The following MARCHF1 variants were observed in gnomAD, a reference collection of about 807,000 sequenced individuals.
MARCHF1 encodes the protein E3 ubiquitin-protein ligase MARCHF1.
A neutral mutation model predicts 54.2 loss-of-function variants in MARCHF1; 40 were observed. The observed-to-expected ratio is 0.74, with a 90% CI of 0.57 to 0.96. MARCHF1 has a LOEUF of 0.96. MARCHF1 is among the 40% of genes least tolerant of loss of function. MARCHF1 has a pLI of 0.00. For synonymous variants in MARCHF1, 236 were observed against 236.3 expected, an observed-to-expected ratio of 1.00 and a Z score of 0.01; for missense variants, 586 against 656.5, an observed-to-expected ratio of 0.89 and a Z score of 1.17.
At chr4:163,741,361 G>A (rs1448528276) in intron 4 of MARCHF1, among the ~76,000 whole-genome samples, 1 of 151,918 alleles carries the variant, frequency 6.6e-6, no homozygotes, top group Non-Finnish European at 1.5e-5. Flanking sequence ...GAGGTGGGTG[G>A]ATTACTTGAG....
At chr4:163,908,421 T>A (rs1469044901) in intron 3 of MARCHF1, among the ~76,000 whole-genome samples, 1 of 152,218 alleles carries the variant, frequency 6.6e-6, no homozygotes, top group African/African-American at 2.4e-5. Context: ...TACAAACTTA[T>A]AAGCTGGTTA....
chr4:164,368,899 T>A (rs3857012), intron 1 of MARCHF1, among the ~76,000 whole-genome samples: 78,267 of 152,052 alleles, frequency 0.51, 21,052 homozygotes, highest in East Asian at 0.65. Flanking sequence ...CTCTACAAGC[T>A]GGTGCTGTGA....
intron 2 of MARCHF1, among the ~76,000 whole-genome samples, chr4:164,076,460 T>C (rs1207226026): frequency 1.3e-5 from 2 of 152,178 alleles, no homozygotes; most frequent in African/African-American, 4.8e-5. Context: ...TTTGGAAGCA[T>C]TCCCTTTGAA....
At chr4:164,307,489 C>T (rs923453464) in intron 1 of MARCHF1, among the ~76,000 whole-genome samples, 2 of 152,216 alleles carry the variant, frequency 1.3e-5, no homozygotes, top group Admixed American at 6.5e-5. Context: ...ACCCAAAGCT[C>T]GTCTCTTCCC....
At chr4:164,282,013 G>A (rs980812538) in intron 1 of MARCHF1, among the ~76,000 whole-genome samples, 6 of 150,720 alleles carry the variant, frequency 4.0e-5, no homozygotes, top group South Asian at 2.1e-4. Context: ...TCCATTCATC[G>A]TTTCACTCTA....
intron 1 of MARCHF1, among the ~76,000 whole-genome samples, chr4:164,299,920 T>C (rs1734507232): frequency 6.6e-6 from 1 of 152,214 alleles, no homozygotes; most frequent in Non-Finnish European, 1.5e-5. Context: ...TTGTTCCATA[T>C]GAAATATTTC....
chr4:164,280,378 A>G (rs1176719497), intron 1 of MARCHF1, among the ~76,000 whole-genome samples: 1 of 152,088 alleles, frequency 6.6e-6, no homozygotes, highest in Non-Finnish European at 1.5e-5. Context: ...GGAATTGCAT[A>G]GAAAGAGAGA....
intron 1 of MARCHF1, among the ~76,000 whole-genome samples, chr4:164,295,256 C>T (rs369137500): frequency 6.6e-5 from 10 of 152,264 alleles, no homozygotes; most frequent in African/African-American, 1.7e-4. Flanking sequence ...ATGTTTTTCT[C>T]CTGGCACAGG....
chr4:164,141,404 G>C (rs994025543), intron 1 of MARCHF1, among the ~76,000 whole-genome samples: 1 of 152,130 alleles, frequency 6.6e-6, no homozygotes, highest in Non-Finnish European at 1.5e-5. Context: ...TACTTACAAA[G>C]AAGAGTCACA....
intron 5 of MARCHF1, among the ~76,000 whole-genome samples, chr4:163,692,608 T>G (rs1000049729): frequency 7.0e-6 from 1 of 143,216 alleles, no homozygotes; most frequent in Non-Finnish European, 1.5e-5. Context: ...AAAGAATTTA[T>G]GTTTTATTTC....
At chr4:164,241,820 A>C (rs11100540) in intron 1 of MARCHF1, among the ~76,000 whole-genome samples, 14 of 152,210 alleles carry the variant, frequency 9.2e-5, no homozygotes, top group African/African-American at 2.6e-4. Flanking sequence ...CTTGGGAAGC[A>C]CAAGAGGTCA....
intron 1 of MARCHF1, among the ~76,000 whole-genome samples, chr4:164,316,177 G>C (rs1376578253): frequency 6.6e-6 from 1 of 152,138 alleles, no homozygotes; most frequent in Non-Finnish European, 1.5e-5. Flanking sequence ...CAGCTCATTG[G>C]TAACAGAATC....
At chr4:164,047,925 T>G (rs13114716) in intron 2 of MARCHF1, among the ~76,000 whole-genome samples, 61,357 of 151,980 alleles carry the variant, frequency 0.4, 13,093 homozygotes, top group Middle Eastern at 0.6. Flanking sequence ...CCATGAGAAA[T>G]ATTATTTTAT....
chr4:164,069,071 T>C (rs1023166560), intron 2 of MARCHF1, among the ~76,000 whole-genome samples: 1 of 151,962 alleles, frequency 6.6e-6, no homozygotes, highest in Non-Finnish European at 1.5e-5. Context: ...GGTTTGTAAA[T>C]GCACCAATCA....
At chr4:163,852,027 C>G (rs1749655509) in intron 4 of MARCHF1, among the ~76,000 whole-genome samples, 1 of 152,182 alleles carries the variant, frequency 6.6e-6, no homozygotes, top group African/African-American at 2.4e-5. Context: ...CCCTGTAATA[C>G]AGCATTAGAT....
At chr4:164,263,339 C>T (rs527333410) in intron 1 of MARCHF1, among the ~76,000 whole-genome samples, 111 of 152,170 alleles carry the variant, frequency 7.3e-4, no homozygotes, top group Non-Finnish European at 1.4e-3. Flanking sequence ...AATATATATA[C>T]ATATATACAC....
intron 3 of MARCHF1, among the ~76,000 whole-genome samples, chr4:163,911,462 G>A (rs893368724): frequency 6.6e-6 from 1 of 152,154 alleles, no homozygotes; most frequent in Non-Finnish European, 1.5e-5. Flanking sequence ...TACAAGGCCT[G>A]AGGTGTCCAC....
intron 2 of MARCHF1, among the ~76,000 whole-genome samples, chr4:164,020,427 G>A (rs556316476): frequency 6.6e-6 from 1 of 152,248 alleles, no homozygotes; most frequent in South Asian, 2.1e-4. Flanking sequence ...AGTTGCTATT[G>A]GAGTTTCGCA....
chr4:163,955,364 C>G (rs937416395), intron 3 of MARCHF1, among the ~76,000 whole-genome samples: 1 of 131,496 alleles, frequency 7.6e-6, no homozygotes, highest in Non-Finnish European at 1.6e-5. Flanking sequence ...AAAACAAAAA[C>G]AAAGCAAAAA....
Sources: gnomAD v4.1 joint callset for allele counts (sites outside exome capture counted in the v4.1 genomes callset) on GRCh38, gnomAD v4.1.1 for gene constraint, MANE v1.5 for transcripts, NCBI Gene and HGNC (gene_info 2026-07-23, HGNC 2026-07-21) for gene names.